The following FAM193A variants were observed in gnomAD, a reference collection of about 807,000 sequenced individuals.
FAM193A encodes the protein family with sequence similarity 193 member A, also known as protein FAM193A.
A neutral mutation model predicts 126.5 loss-of-function variants in FAM193A; 22 were observed. That is an observed-to-expected ratio of 0.17 (90% CI 0.12 to 0.25). FAM193A has a LOEUF of 0.25. Among genes scored for constraint, FAM193A ranks in the 10% least tolerant of loss-of-function variants. The pLI, the probability that FAM193A is intolerant of heterozygous loss-of-function variation, is 1.00. For synonymous variants in FAM193A, 761 were observed against 646.8 expected (o/e 1.18, Z -2.68); for missense variants, 1,675 against 1,672.8 (o/e 1.00, Z -0.02).
intron 2 of FAM193A, among the ~76,000 whole-genome samples, chr4:2,618,451 A>T (rs28827257): frequency 0.05 from 7,619 of 151,810 alleles, 557 homozygotes; most frequent in African/African-American, 0.17. Context: ...TTATTTAGAG[A>T]CAGTCTTGCC....
intron 1 of FAM193A, among the ~76,000 whole-genome samples, chr4:2,547,322 G>A (rs753741899): frequency 1.3e-5 from 2 of 152,228 alleles, no homozygotes; most frequent in East Asian, 1.9e-4. Context: ...GAACCTGGGA[G>A]GTGAAGGTTG....
rs966345941 is a variant in FAM193A, at chr4:2,693,916, A to G, written c.3092+42A>G. The G allele has an allele frequency of 2.5e-6, 4 of 1,582,280 alleles. No individual in the cohort carries two copies. The African/African-American group carries it at 5.4e-5, about 21-fold the overall frequency. On this transcript the variant is annotated intron_variant, in intron 16 of 20. Transcript: ENST00000637812. ...CTGGGGACGTGGGAGCACTTTGGAA[A>G]ATGGGTGTTATGCCTCACTAACACA...
intron 12 of FAM193A, among the ~76,000 whole-genome samples, chr4:2,664,557 T>C (rs1242158584): frequency 7.3e-5 from 10 of 136,446 alleles, no homozygotes; most frequent in African/African-American, 2.5e-4. Flanking sequence ...CTATTTTCTT[T>C]CTTTTTTTTT....
chr4:2,714,902 C>A (rs1719377164), intron 19 of FAM193A, among the ~76,000 whole-genome samples: 1 of 152,172 alleles, frequency 6.6e-6, no homozygotes, highest in African/African-American at 2.4e-5. Context: ...GTGTGCACTG[C>A]ACCCCCCCAA....
At chr4:2,616,317 T>C (rs1742183209) in intron 2 of FAM193A, among the ~76,000 whole-genome samples, 1 of 152,224 alleles carries the variant, frequency 6.6e-6, no homozygotes, top group Admixed American at 6.5e-5. Flanking sequence ...TAGCCTTTTT[T>C]CATTAGTGTG....
chr4:2,614,607 T>C (rs1241233421), intron 2 of FAM193A, among the ~76,000 whole-genome samples: 1 of 152,238 alleles, frequency 6.6e-6, no homozygotes, highest in Non-Finnish European at 1.5e-5. Flanking sequence ...GATGTTAGGC[T>C]AATACTTCAT....
At chr4:2,718,527 C>T (rs1438285561) in intron 20 of FAM193A, among the ~76,000 whole-genome samples, 1 of 151,984 alleles carries the variant, frequency 6.6e-6, no homozygotes, top group African/African-American at 2.4e-5. Flanking sequence ...AGTTCAAGAC[C>T]AGCCTGGGCA....
At chr4:2,728,238 A>ATTTTTTTTTT in intron 20 of FAM193A, among the ~76,000 whole-genome samples, 1 of 82,060 alleles carries the variant, frequency 1.2e-5, no homozygotes, top group Non-Finnish European at 2.2e-5. Flanking sequence ...ACCCGGCCCA[A>ATTTTTTTTTT]TTTTTTTTTT....
At chr4:2,645,869 G>GT (rs1430905416) in intron 6 of FAM193A, among the ~76,000 whole-genome samples, 1 of 152,164 alleles carries the variant, frequency 6.6e-6, no homozygotes, top group Admixed American at 6.5e-5. Flanking sequence ...ACAGAAAACT[G>GT]TAACTATATT....
chr4:2,635,192 A>C (rs560462011), intron 5 of FAM193A, among the ~76,000 whole-genome samples: 1 of 152,354 alleles, frequency 6.6e-6, no homozygotes, highest in African/African-American at 2.4e-5. Flanking sequence ...TCAGGACCCA[A>C]AAATCTTCAC....
intron 13 of FAM193A, among the ~76,000 whole-genome samples, chr4:2,677,666 G>A (rs964733274): frequency 8.6e-5 from 13 of 151,540 alleles, no homozygotes; most frequent in African/African-American, 2.2e-4. Flanking sequence ...ACTTGAACCC[G>A]GGAGGCGGAG....
chr4:2,699,156 C>T (rs940862061), intron 18 of FAM193A, among the ~76,000 whole-genome samples: 4 of 152,216 alleles, frequency 2.6e-5, no homozygotes, highest in Non-Finnish European at 5.9e-5. Context: ...CTGCACCAGC[C>T]TGGTACACAT....
Position 2,731,940 on chromosome 4 carries a change from C to A in FAM193A, c.*72C>A. ...ACCACCCCAAGAGCCACGCCCCTCG[C>A]TGGCGCCCCAGAGCCGTGGTGCTTG... On this transcript the variant is annotated 3_prime_UTR_variant, in exon 21 of 21. Transcript: ENST00000637812. The A allele has an allele frequency of 8.5e-7, 1 of 1,177,646 alleles. No homozygotes were observed. The highest frequency in any genetic ancestry group is 1.3e-6 in the Non-Finnish European group (1 of 787,798). 72.9% of individuals were successfully genotyped at this position (1,177,646 alleles called of 1,614,324 possible).
intron 2 of FAM193A, chr4:2,608,176 A>G: frequency 6.5e-7 from 1 of 1,546,486 alleles, no homozygotes; most frequent in Non-Finnish European, 8.9e-7. Context: ...AAATACCAAG[A>G]GGACTTCATT....
intron 20 of FAM193A, among the ~76,000 whole-genome samples, chr4:2,721,312 CAAAAAAAAAAAAAAA>C (rs56875674): frequency 1.4e-5 from 1 of 70,010 alleles, no homozygotes; most frequent in Non-Finnish European, 2.6e-5. Context: ...GACTCCGTCT[CAAAAAAAAAAAAAAA>C]AAAAAAAAAA....
At position 2,639,809 on chromosome 4, in the gene FAM193A, T is replaced by C. The variant is rs1244474319; in HGVS notation, c.1113T>C (p.Phe371=). The C allele has an allele frequency of 6.2e-7, 1 of 1,614,208 alleles. No individual in the cohort carries two copies. Among genetic ancestry groups the C allele is most frequent in the Non-Finnish European group, 8.5e-7 (1 of 1,180,020 alleles). ...HNKHLFENLV[F]SEPLLQSNLP... The stretch of plus-strand genomic sequence containing the variant: ...AACACCTGTTTGAAAATCTGGTCTT[T>C]TCGGAGCCACTTCTTCAGAGCAACT... The change falls in exon 6 of 21, where the codon TTT becomes TTC. Residue 371 remains phenylalanine, a synonymous_variant. Transcript: ENST00000637812.
intron 20 of FAM193A, 34 bp from the exon 21 acceptor site, chr4:2,731,741 C>A: frequency 6.4e-7 from 1 of 1,558,828 alleles, no homozygotes. Flanking sequence ...TGGGCTGTTT[C>A]CTTCAGTGAC....
intron 6 of FAM193A, among the ~76,000 whole-genome samples, chr4:2,640,854 A>G (rs558373389): frequency 6.6e-6 from 1 of 151,896 alleles, no homozygotes; most frequent in African/African-American, 2.4e-5. Context: ...GATCCTGGCT[A>G]CTTGGGAGTC....
Position 2,731,974 on chromosome 4 carries a change from T to G in FAM193A, c.*106T>G. The G allele has an allele frequency of 2.3e-6, 2 of 865,128 alleles. No individual in the cohort carries two copies. Among genetic ancestry groups the G allele is most frequent in the Non-Finnish European group, 3.9e-6 (2 of 518,360 alleles). The allele number at this position is 865,128 out of a possible 1,614,324, so 53.6% of individuals were successfully genotyped here. A position where few individuals can be genotyped will look rare whatever the true frequency, so the allele number is the denominator to read the frequency against. On this transcript the variant is annotated 3_prime_UTR_variant, in exon 21 of 21. Coordinates refer to ENST00000637812, the MANE Select transcript of FAM193A (RefSeq NM_001366318.2). Reference sequence around the variant, plus strand: ...CAGAGCCGTGGTGCTTGCCAAGGGCTGTGCGGAGCTGGTGCTGCCTGAAAC... The same window carrying G: ...CAGAGCCGTGGTGCTTGCCAAGGGCGGTGCGGAGCTGGTGCTGCCTGAAAC...
Sources: allele counts gnomAD v4.1 joint callset (sites outside exome capture counted in the v4.1 genomes callset), GRCh38; gene constraint gnomAD v4.1.1; transcripts MANE v1.5; gene names NCBI Gene and HGNC (gene_info 2026-07-23, HGNC 2026-07-21).